HS3ST4: variants seen among roughly 807,000 people sequenced by gnomAD.
The protein encoded by HS3ST4 is heparan sulfate-glucosamine 3-sulfotransferase 4.
In HS3ST4, 17 loss-of-function variants were observed where a neutral mutation model predicts 29.2. That is an observed-to-expected ratio of 0.58 (90% CI 0.40 to 0.87). The LOEUF (loss-of-function observed/expected upper bound fraction) is 0.87. HS3ST4 is among the 40% of genes least tolerant of loss of function. HS3ST4 has a pLI of 0.00. For synonymous variants in HS3ST4, 314 were observed against 285.7 expected (o/e 1.10, Z -1.00); for missense variants, 627 against 634.5 (o/e 0.99, Z 0.13).
At chr16:25,715,150 G>C (rs1045992111) in intron 1 of HS3ST4, among the ~76,000 whole-genome samples, 4 of 151,630 alleles carry the variant, frequency 2.6e-5, no homozygotes, top group African/African-American at 9.7e-5. Context: ...GTGAAACCCC[G>C]TCTCTACTAA....
chr16:26,090,393 A>G (rs1421679383), intron 1 of HS3ST4, among the ~76,000 whole-genome samples: 1 of 152,034 alleles, frequency 6.6e-6, no homozygotes, highest in Non-Finnish European at 1.5e-5. Context: ...AGATTACCCA[A>G]GGTACATGGC....
In HS3ST4 at chr16:25,810,962, T is replaced by G. The variant is rs914245966; in HGVS notation, c.734+117811T>G. Reference sequence around the variant, plus strand: ...CAGATTTGATGTTAAATATCAGCTGTGTGACCAAACAGATAATGTATCTTT... The same window carrying G: ...CAGATTTGATGTTAAATATCAGCTGGGTGACCAAACAGATAATGTATCTTT... On this transcript the variant is annotated intron_variant, in intron 1 of 1. Transcript: ENST00000331351. Among the ~76,000 whole-genome samples, 6 of 152,358 alleles carry G rather than the reference T, an allele frequency of 3.9e-5. No individual in the cohort carries two copies. The South Asian group carries it at 1.2e-3, about 32-fold the overall frequency.
At chr16:25,846,019 AC>A (rs1231585557) in intron 1 of HS3ST4, among the ~76,000 whole-genome samples, 1 of 152,166 alleles carries the variant, frequency 6.6e-6, no homozygotes. Flanking sequence ...AGTGACTTAA[AC>A]AAATAAGGAT....
At chr16:26,065,431 A>G (rs2141773262) in intron 1 of HS3ST4, among the ~76,000 whole-genome samples, 1 of 152,310 alleles carries the variant, frequency 6.6e-6, no homozygotes, top group African/African-American at 2.4e-5. Flanking sequence ...ATGAAAACAC[A>G]TGGACACGCA....
At position 25,897,483 on chromosome 16, in the gene HS3ST4, A is replaced by G. The variant is rs780454504; in HGVS notation, c.734+204332A>G. 9.2e-5 allele frequency among the ~76,000 whole-genome samples: 14 copies of G among 152,112 alleles called. 1 individual carries two copies. The highest frequency in any genetic ancestry group is 2.1e-4 in the Non-Finnish European group (14 of 68,004). On this transcript the variant is annotated intron_variant, in intron 1 of 1. Transcript: ENST00000331351. ...AAAATGATAATATAAAATTGGCCCA[A>G]AGGGGCACTTTGGACACAGACGGGC...
chr16:26,074,876 C>G (rs1403187312), intron 1 of HS3ST4, among the ~76,000 whole-genome samples: 1 of 152,110 alleles, frequency 6.6e-6, no homozygotes, highest in Non-Finnish European at 1.5e-5. Context: ...TCCCTGTTTT[C>G]TTTGTCTGAC....
At chr16:26,027,869 T>C (rs1002183453) in intron 1 of HS3ST4, among the ~76,000 whole-genome samples, 1 of 152,230 alleles carries the variant, frequency 6.6e-6, no homozygotes, top group Non-Finnish European at 1.5e-5. Flanking sequence ...GCTGACTCCA[T>C]GGTCTTAACC....
At chr16:25,773,125 C>G (rs1966844375) in intron 1 of HS3ST4, among the ~76,000 whole-genome samples, 1 of 152,158 alleles carries the variant, frequency 6.6e-6, no homozygotes, top group Non-Finnish European at 1.5e-5. Context: ...TGGCTTACAG[C>G]AACTAAATGT....
chr16:26,065,539 G>C (rs1898532160), intron 1 of HS3ST4, among the ~76,000 whole-genome samples: 1 of 152,096 alleles, frequency 6.6e-6, no homozygotes, highest in Admixed American at 6.5e-5. Context: ...CTTAATACAT[G>C]GGTGATGAAA....
In HS3ST4 at chr16:25,784,303, G is replaced by GTGAAAGGAAGAATC. The variant is rs558797685; in HGVS notation, c.734+91154_734+91167dup. 3.0e-3 allele frequency among the ~76,000 whole-genome samples: 451 copies of GTGAAAGGAAGAATC among 152,280 alleles called. 1 individual carries two copies. Among genetic ancestry groups the GTGAAAGGAAGAATC allele is most frequent in the African/African-American group, 8.2e-3 (341 of 41,568 alleles). On this transcript the variant is annotated intron_variant, in intron 1 of 1. Coordinates refer to ENST00000331351, the MANE Select transcript of HS3ST4 (RefSeq NM_006040.3). ...CCTACAATGACCTCTAAGTGTTCAA[G>GTGAAAGGAAGAATC]TGAAAGGAAGAATCTCATGTCTCTC... is the stretch of plus-strand genomic sequence containing the variant.
chr16:25,722,394 A>G (rs1173290280), intron 1 of HS3ST4, among the ~76,000 whole-genome samples: 2 of 152,160 alleles, frequency 1.3e-5, no homozygotes, highest in East Asian at 3.8e-4. Context: ...ACACCATTTT[A>G]TTTGTGTAGG....
intron 1 of HS3ST4, among the ~76,000 whole-genome samples, chr16:25,785,399 G>A (rs376772468): frequency 5.3e-5 from 8 of 152,140 alleles, no homozygotes; most frequent in Non-Finnish European, 8.8e-5. Flanking sequence ...CCCTGACCTC[G>A]AAGCATGTGC....
At chr16:26,131,348 G>A (rs1364604420) in intron 1 of HS3ST4, among the ~76,000 whole-genome samples, 1 of 152,132 alleles carries the variant, frequency 6.6e-6, no homozygotes, top group African/African-American at 2.4e-5. Context: ...CTCATCACAT[G>A]AGGAAAACAA....
chr16:25,762,220 A>C (rs1472061161), intron 1 of HS3ST4, among the ~76,000 whole-genome samples: 3 of 152,302 alleles, frequency 2.0e-5, no homozygotes, highest in African/African-American at 7.2e-5. Flanking sequence ...TGGTTGTTTA[A>C]GCCAACAGAG....
At chr16:25,901,129 C>T (rs1567268185) in intron 1 of HS3ST4, among the ~76,000 whole-genome samples, 1 of 152,200 alleles carries the variant, frequency 6.6e-6, no homozygotes, top group Non-Finnish European at 1.5e-5. Flanking sequence ...TAGTTACTCT[C>T]TCATCTCCTC....
At chr16:25,879,024 G>A (rs984273396) in intron 1 of HS3ST4, among the ~76,000 whole-genome samples, 1 of 152,160 alleles carries the variant, frequency 6.6e-6, no homozygotes, top group African/African-American at 2.4e-5. Flanking sequence ...ACTCCAGGCA[G>A]CTGGAAGAAA....
chr16:25,952,975 T>C (rs2141697900), intron 1 of HS3ST4, among the ~76,000 whole-genome samples: 1 of 152,310 alleles, frequency 6.6e-6, no homozygotes, highest in Admixed American at 6.5e-5. Context: ...CCTACATCTT[T>C]CCAATGCATC....
intron 1 of HS3ST4, among the ~76,000 whole-genome samples, chr16:25,982,124 A>G (rs9302438): frequency 0.94 from 142,333 of 152,152 alleles, 66,719 homozygotes; most frequent in African/African-American, 0.98. Context: ...TTCCACCTTT[A>G]GGAAAGCTTC....
At chr16:25,929,795 T>G (rs116786946) in intron 1 of HS3ST4, among the ~76,000 whole-genome samples, 1 of 152,188 alleles carries the variant, frequency 6.6e-6, no homozygotes, top group African/African-American at 2.4e-5. Context: ...TATTTCTTTA[T>G]TTTATATTTT....
Sources: gnomAD v4.1 joint callset for allele counts (sites outside exome capture counted in the v4.1 genomes callset) on GRCh38, gnomAD v4.1.1 for gene constraint, MANE v1.5 for transcripts, NCBI Gene and HGNC (gene_info 2026-07-23, HGNC 2026-07-21) for gene names.